SUGCT: variants seen among roughly 807,000 people sequenced by gnomAD.
SUGCT encodes succinyl-CoA:glutarate-CoA transferase, also known as succinyl-CoA:glutarate CoA-transferase.
SUGCT carries 41 observed loss-of-function variants against 55.0 expected under a neutral mutation model. That is an observed-to-expected ratio of 0.74 (90% CI 0.58 to 0.97). The LOEUF (loss-of-function observed/expected upper bound fraction) is 0.97. Among genes scored for constraint, SUGCT ranks in the 50% least tolerant of loss-of-function variants. The pLI is 0.00. For missense variants in SUGCT, 568 were observed against 547.8 expected, an observed-to-expected ratio of 1.04 and a Z score of -0.37; for synonymous variants, 187 against 200.4, an observed-to-expected ratio of 0.93 and a Z score of 0.56.
intron 12 of SUGCT, among the ~76,000 whole-genome samples, chr7:40,634,861 A>G (rs1799951562): frequency 6.6e-6 from 1 of 152,260 alleles, no homozygotes; most frequent in Non-Finnish European, 1.5e-5. Flanking sequence ...TGAAATTAAT[A>G]TGAATGAATA....
rs542933675 is a variant in SUGCT, at chr7:40,751,506, G to C, written c.1153+2009G>C. Among the ~76,000 whole-genome samples, 3 of 152,290 alleles carry C rather than the reference G, an allele frequency of 2.0e-5. No individual in the cohort carries two copies. The East Asian group carries it at 5.8e-4, about 29-fold the overall frequency. ...TGTAATCATAAGTCTTTGAGTATTA[G>C]ATCTTTAGAAAACATCTGGTCTAGT... On this transcript the variant is annotated intron_variant, in intron 13 of 13. Transcript: ENST00000335693.
Position 40,841,777 on chromosome 7 carries a change from C to T in SUGCT, c.1154-18539C>T, listed in dbSNP as rs184523297. Among the ~76,000 whole-genome samples, 35 of 152,294 alleles carry T rather than the reference C, an allele frequency of 2.3e-4. No homozygotes were observed. The East Asian group carries it at 6.6e-3, about 29-fold the overall frequency. On this transcript the variant is annotated intron_variant, in intron 13 of 13. Transcript: ENST00000335693. ...TGGGCTGAGGATATCCTAAACATTT[C>T]ATAGACAATGGCCATCTCTACCCTT...
intron 12 of SUGCT, among the ~76,000 whole-genome samples, chr7:40,594,370 A>G (rs1365729703): frequency 6.6e-6 from 1 of 152,070 alleles, no homozygotes; most frequent in Non-Finnish European, 1.5e-5. Flanking sequence ...AAATCCCAAT[A>G]TATTATCTGT....
chr7:40,643,834 G>T (rs932766017), intron 12 of SUGCT, among the ~76,000 whole-genome samples: 1 of 152,162 alleles, frequency 6.6e-6, no homozygotes, highest in African/African-American at 2.4e-5. Flanking sequence ...CAAAGGAAAG[G>T]GGGGACTTAT....
chr7:40,982,710 G>A, the SUGCT span, among the ~76,000 whole-genome samples: 1 of 151,890 alleles, frequency 6.6e-6, no homozygotes, highest in East Asian at 1.9e-4. Flanking sequence ...GAGTGCAGTG[G>A]CATGATCTCG....
At position 40,491,666 on chromosome 7, in the gene SUGCT, A is replaced by C. The variant is rs577666479; in HGVS notation, c.987-4618A>C. On this transcript the variant is annotated intron_variant, in intron 11 of 13. Transcript: ENST00000335693. The stretch of plus-strand genomic sequence containing the variant: ...AAAGAGTACTGGGAGTGTCAAAAAA[A>C]AAAGCACAAATATCCAAAGCAGTAT... 3.3e-5 allele frequency among the ~76,000 whole-genome samples: 5 copies of C among 152,232 alleles called. No individual in the cohort carries two copies. In the East Asian group the frequency reaches 9.6e-4, roughly 29 times the overall value.
intron 6 of SUGCT, among the ~76,000 whole-genome samples, chr7:40,224,053 T>A (rs1562590370): frequency 1.3e-5 from 2 of 152,254 alleles, no homozygotes; most frequent in Non-Finnish European, 2.9e-5. Context: ...GCTGAGTTTT[T>A]ATTTTCTTTT....
intron 6 of SUGCT, among the ~76,000 whole-genome samples, chr7:40,222,111 G>A (rs1220413252): frequency 6.6e-6 from 1 of 152,240 alleles, no homozygotes; most frequent in Non-Finnish European, 1.5e-5. Flanking sequence ...AAGGAAGCTG[G>A]TGGTGTGCTG....
chr7:40,685,796 G>A (rs926567378), intron 12 of SUGCT, among the ~76,000 whole-genome samples: 2 of 152,058 alleles, frequency 1.3e-5, no homozygotes, highest in African/African-American at 4.8e-5. Context: ...TCAGCACTTT[G>A]TGCAACCAAG....
At position 40,496,274 on chromosome 7, in the gene SUGCT, GTCT is replaced by G. The variant is rs755248346; in HGVS notation, c.987-5_987-3del. 1 of 1,592,940 alleles carries G rather than the reference GTCT, an allele frequency of 6.3e-7. No homozygotes were observed. Among genetic ancestry groups the G allele is most frequent in the African/African-American group, 1.3e-5 (1 of 74,546 alleles). ...CTGTGTAAAAAATTTATCCTTGTTT[GTCT>G]TCTTAGGTTTGAAGAAGAACTGACC... is the stretch of plus-strand genomic sequence containing the variant. On this transcript the variant is annotated splice_polypyrimidine_tract_variant and splice_region_variant and intron_variant, in intron 11 of 13. Coordinates refer to ENST00000335693, the MANE Select transcript of SUGCT (RefSeq NM_001193313.2).
intron 12 of SUGCT, among the ~76,000 whole-genome samples, chr7:40,592,628 G>A (rs778294873): frequency 1.3e-5 from 2 of 152,188 alleles, no homozygotes; most frequent in African/African-American, 4.8e-5. Context: ...AGTAGTGCCA[G>A]GGGCTTTCTG....
At chr7:40,284,756 T>C (rs897293397) in intron 8 of SUGCT, among the ~76,000 whole-genome samples, 3 of 151,978 alleles carry the variant, frequency 2.0e-5, no homozygotes, top group African/African-American at 7.3e-5. Flanking sequence ...ATTTAAAACA[T>C]TGGGAAAAAA....
rs201988922 is a variant in SUGCT at position 40,441,243 on chromosome 7, C to G, written c.817-8044C>G. Among the ~76,000 whole-genome samples the G allele has an allele frequency of 1.6e-4, 25 of 152,152 alleles. No individual in the cohort carries two copies. In the East Asian group the frequency reaches 2.5e-3, roughly 15 times the overall value. On this transcript the variant is annotated intron_variant, in intron 9 of 13. Coordinates refer to ENST00000335693, the MANE Select transcript of SUGCT (RefSeq NM_001193313.2). ...TATTTTAGAGATGTCAAAACTGAGG[C>G]TCTTAAATTATGTAAATTGTCTAAT... is the stretch of plus-strand genomic sequence containing the variant.
intron 9 of SUGCT, among the ~76,000 whole-genome samples, chr7:40,440,133 CTGTG>C (rs1411685243): frequency 3.3e-5 from 3 of 91,526 alleles, no homozygotes; most frequent in African/African-American, 4.1e-5. Context: ...AGTTTTTTGT[CTGTG>C]TGTGTGTGTT....
chr7:40,443,038 C>T (rs553074404), intron 9 of SUGCT, among the ~76,000 whole-genome samples: 1 of 152,302 alleles, frequency 6.6e-6, no homozygotes, highest in South Asian at 2.1e-4. Flanking sequence ...CATGTCCCTA[C>T]AAAGGACATG....
At chr7:40,879,909 AT>A in the SUGCT span, among the ~76,000 whole-genome samples, 1 of 152,188 alleles carries the variant, frequency 6.6e-6, no homozygotes, top group Non-Finnish European at 1.5e-5. Context: ...TAGCTTGGAC[AT>A]GGCATAGTCT....
At chr7:40,899,016 A>C in the SUGCT span, among the ~76,000 whole-genome samples, 1 of 152,046 alleles carries the variant, frequency 6.6e-6, no homozygotes, top group Admixed American at 6.5e-5. Flanking sequence ...TCCGGCTCTT[A>C]GGCATTGTTA....
intron 13 of SUGCT, among the ~76,000 whole-genome samples, chr7:40,790,824 A>G (rs75667357): frequency 0.077 from 11,683 of 152,332 alleles, 582 homozygotes; most frequent in Middle Eastern, 0.12. Context: ...CTCTGTCTGT[A>G]GACACTGACT....
chr7:40,158,505 C>T (rs901601509), intron 1 of SUGCT, among the ~76,000 whole-genome samples: 18 of 152,156 alleles, frequency 1.2e-4, no homozygotes, highest in African/African-American at 4.1e-4. Context: ...AATCCCAGCA[C>T]TTTGGGAGGC....
Sources: gnomAD v4.1 joint callset for allele counts (sites outside exome capture counted in the v4.1 genomes callset) on GRCh38, gnomAD v4.1.1 for gene constraint, MANE v1.5 for transcripts, NCBI Gene and HGNC (gene_info 2026-07-23, HGNC 2026-07-21) for gene names.